GCSAML: variants seen among roughly 807,000 people sequenced by gnomAD.
The protein encoded by GCSAML is germinal center-associated signaling and motility-like protein.
A neutral mutation model predicts 13.0 loss-of-function variants in GCSAML; 9 were observed. That is an observed-to-expected ratio of 0.69 (90% CI 0.42 to 1.21). The LOEUF (loss-of-function observed/expected upper bound fraction) is 1.21, where lower values mean the gene tolerates loss of function less well. GCSAML is among the 50% of genes most tolerant of loss of function. The pLI is 0.00. For missense variants in GCSAML, 143 were observed against 153.4 expected, an observed-to-expected ratio of 0.93 and a Z score of 0.36; for synonymous variants, 37 against 52.9, an observed-to-expected ratio of 0.70 and a Z score of 1.31.
At chr1:247,528,923 G>A (rs1666794267) in intron 2 of GCSAML, 1 of 152,116 alleles carries the variant, frequency 6.6e-6, no homozygotes, top group Non-Finnish European at 1.5e-5. Context: ...TGGTGGTATG[G>A]TAGATAAGAT....
At chr1:247,571,343 T>C (rs1037191554) in intron 4 of GCSAML, among the ~76,000 whole-genome samples, 1 of 152,166 alleles carries the variant, frequency 6.6e-6, no homozygotes, top group African/African-American at 2.4e-5. Flanking sequence ...GGTACTGGTT[T>C]TTCCTTTGTA....
At chr1:247,531,732 A>G (rs748923172) in intron 2 of GCSAML, 1 of 1,614,104 alleles carries the variant, frequency 6.2e-7, no homozygotes, top group South Asian at 1.1e-5. Context: ...CTGGCTGGAG[A>G]TACATGAAGA....
At chr1:247,565,668 G>A (rs764983288) in intron 3 of GCSAML, 2 of 387,346 alleles carry the variant, frequency 5.2e-6, no homozygotes, top group Non-Finnish European at 4.6e-6. Flanking sequence ...ATCTTATTCA[G>A]TACATTAATG....
upstream of GCSAML, chr1:247,548,959 TGTGC>T (rs1008393421): frequency 1.0e-6 from 1 of 1,001,530 alleles, no homozygotes; most frequent in Non-Finnish European, 1.4e-6. This position sits in a 1 kb window ranked among gnomAD's most constrained non-coding sequence, Gnocchi z 5.3. Flanking sequence ...AGTGTGTGTG[TGTGC>T]GTGCAGGCAC....
intron 4 of GCSAML, among the ~76,000 whole-genome samples, chr1:247,568,363 G>A (rs1668469532): frequency 6.6e-6 from 1 of 152,136 alleles, no homozygotes; most frequent in Admixed American, 6.6e-5. Context: ...AAGGTGTAAG[G>A]AAGGGGTCCA....
chr1:247,549,284 C>A, intron 1 of GCSAML, 64 bp downstream of exon 1: 1 of 1,393,980 alleles, frequency 7.2e-7, no homozygotes, highest in Non-Finnish European at 1.0e-6. Context: ...GGAGGCTGGA[C>A]ATAACGCATT....
intron 4 of GCSAML, among the ~76,000 whole-genome samples, chr1:247,573,797 G>A (rs1668724620): frequency 6.6e-6 from 1 of 152,146 alleles, no homozygotes; most frequent in Non-Finnish European, 1.5e-5. Flanking sequence ...CCATTTTTAT[G>A]ATATTGCTTC....
rs1251714757 is a variant in GCSAML at position 247,575,270 on chromosome 1, T to C, written c.*888T>C. ...CCTCCTGAGAGTGTATCCCAGGCCATGGTAAGTCATGTTGGCTCAGAATCA... is the reference window on the plus strand; with the variant it reads ...CCTCCTGAGAGTGTATCCCAGGCCACGGTAAGTCATGTTGGCTCAGAATCA... On this transcript the variant is annotated 3_prime_UTR_variant, in exon 5 of 5. Coordinates refer to ENST00000366488, the MANE Select transcript of GCSAML (RefSeq NM_145278.5). 1 of 152,190 alleles carries C rather than the reference T, an allele frequency of 6.6e-6. No homozygotes were observed. Among genetic ancestry groups the C allele is most frequent in the African/African-American group, 2.4e-5 (1 of 41,454 alleles). 9.4% of individuals were successfully genotyped at this position (152,190 alleles called of 1,614,324 possible). A position where few individuals can be genotyped will look rare whatever the true frequency, so the allele number is the denominator to read the frequency against.
intron 2 of GCSAML, among the ~76,000 whole-genome samples, chr1:247,562,965 G>A (rs1668190584): frequency 1.3e-5 from 2 of 150,864 alleles, no homozygotes; most frequent in South Asian, 2.1e-4. Flanking sequence ...TCAGCCTCCC[G>A]AGTAGTTGGG....
chr1:247,559,034 T>C (rs975578909), intron 2 of GCSAML, among the ~76,000 whole-genome samples: 1 of 152,214 alleles, frequency 6.6e-6, no homozygotes. Flanking sequence ...CAAAATAGCC[T>C]TAAAATACTA....
At chr1:247,507,877 G>A (rs1053654114) in intron 1 of GCSAML, among the ~76,000 whole-genome samples, 1 of 152,162 alleles carries the variant, frequency 6.6e-6, no homozygotes, top group Admixed American at 6.5e-5. Context: ...GTATCCCATG[G>A]TGTATATGTG....
At chr1:247,563,109 A>G (rs1211105807) in intron 2 of GCSAML, among the ~76,000 whole-genome samples, 1 of 151,786 alleles carries the variant, frequency 6.6e-6, no homozygotes, top group Non-Finnish European at 1.5e-5. Context: ...TGGCCTCCCA[A>G]AGTGCTGGGA....
At position 247,531,501 on chromosome 1, in the gene GCSAML, T is replaced by C. The variant is rs775472219; in HGVS notation, c.-148+4447T>C. ...CAAGTGCCCTGTCTTCCAAGGTCAC[T>C]TTGCTCGATGTAAACTTGATCTTCC... On this transcript the variant is annotated intron_variant, in intron 2 of 5. Transcript: ENST00000366489. 7 of 1,572,564 alleles carry C rather than the reference T, an allele frequency of 4.5e-6. No homozygotes were observed. The East Asian group carries it at 1.6e-4, about 35-fold the overall frequency.
chr1:247,574,048 C>A lies in GCSAML; in HGVS notation c.169-95C>A, dbSNP rs956057893. ...TTGGATACCTTAAGTGTAAGAGCAC[C>A]ATCAGGTGTATAAAGAAGAAGGGAA... On this transcript the variant is annotated intron_variant, in intron 4 of 4. Transcript: ENST00000366488. 1.3e-5 allele frequency: 18 copies of A among 1,391,108 alleles called. No individual in the cohort carries two copies. The Admixed American group carries it at 1.5e-4, about 11-fold the overall frequency. The allele number at this position is 1,391,108 out of a possible 1,614,324, so 86.2% of individuals were successfully genotyped here.
In GCSAML at chr1:247,532,423, A is replaced by T. The variant is rs145781714; in HGVS notation, c.-148+5369A>T. 2.3e-5 allele frequency: 37 copies of T among 1,614,008 alleles called. 1 individual carries two copies. The African/African-American group carries it at 4.8e-4, about 21-fold the overall frequency. On this transcript the variant is annotated intron_variant, in intron 2 of 5. Transcript: ENST00000366489. ...TACCATGTAAAAACTCAAGACAACT[A>T]TGAAGAGGACAGTTTCTAGTGAGGG...
At chr1:247,520,355 A>C (rs1357775581) in intron 1 of GCSAML, among the ~76,000 whole-genome samples, 1 of 152,210 alleles carries the variant, frequency 6.6e-6, no homozygotes, top group African/African-American at 2.4e-5. Context: ...TGAAGGCCTT[A>C]AGAGAAAACA....
intron 1 of GCSAML, among the ~76,000 whole-genome samples, chr1:247,510,194 T>C (rs1665981554): frequency 6.6e-6 from 1 of 152,216 alleles, no homozygotes; most frequent in Non-Finnish European, 1.5e-5. Flanking sequence ...GTTATTAGTC[T>C]ATTCAGGGAT....
At chr1:247,541,266 T>C (rs1667402800) in intron 2 of GCSAML, among the ~76,000 whole-genome samples, 1 of 152,204 alleles carries the variant, frequency 6.6e-6, no homozygotes, top group African/African-American at 2.4e-5. Flanking sequence ...ATAATTAATG[T>C]CTTTTGGCAA....
chr1:247,531,787 C>A, intron 2 of GCSAML: 1 of 1,614,184 alleles, frequency 6.2e-7, no homozygotes, highest in East Asian at 2.2e-5. Flanking sequence ...GTGGGAAGAA[C>A]AGGTGTTGAA....
Sources: gnomAD v4.1 joint callset for allele counts (sites outside exome capture counted in the v4.1 genomes callset) on GRCh38, gnomAD v4.1.1 for gene constraint, Gnocchi (gnomAD v3.1) non-coding constraint, MANE v1.5 for transcripts, NCBI Gene and HGNC (gene_info 2026-07-23, HGNC 2026-07-21) for gene names.